SFMBT2: variants seen among roughly 807,000 people sequenced by gnomAD.
SFMBT2 encodes the protein Scm like with four mbt domains 2.
In SFMBT2, 38 loss-of-function variants were observed where a neutral mutation model predicts 110.1. The observed-to-expected ratio is 0.35, with a 90% CI of 0.27 to 0.45. The LOEUF (loss-of-function observed/expected upper bound fraction) is 0.45. Among genes scored for constraint, SFMBT2 ranks in the 20% least tolerant of loss-of-function variants. The pLI is 1.00. For synonymous variants in SFMBT2, 425 were observed against 425.4 expected (o/e 1.00, Z 0.01); for missense variants, 1,011 against 1,094.9 (o/e 0.92, Z 1.08).
chr10:7,361,631 T>C (rs886850692), intron 4 of SFMBT2, among the ~76,000 whole-genome samples: 5 of 152,232 alleles, frequency 3.3e-5, no homozygotes, highest in African/African-American at 1.2e-4. Flanking sequence ...TGATTTAACT[T>C]TGAATGGTAA....
At chr10:7,243,414 CA>C in intron 9 of SFMBT2, 143 bp downstream of exon 9, 1 of 645,534 alleles carries the variant, frequency 1.5e-6, no homozygotes, top group South Asian at 2.0e-5. Context: ...ACACCTATGT[CA>C]AGCTGATGAA....
intron 4 of SFMBT2, among the ~76,000 whole-genome samples, chr10:7,315,105 AAAGAAAAAGC>A (rs1266462812): frequency 7.0e-6 from 1 of 141,890 alleles, no homozygotes; most frequent in Non-Finnish European, 1.6e-5. Context: ...AGAAAGAAAG[AAAGAAAAAGC>A]AAGCAAGCAA....
intron 16 of SFMBT2, among the ~76,000 whole-genome samples, chr10:7,178,667 T>C (rs1373153201): frequency 1.3e-5 from 2 of 152,044 alleles, no homozygotes; most frequent in Non-Finnish European, 2.9e-5. Context: ...AACTTTCTCC[T>C]GCCCCAAGAA....
intron 12 of SFMBT2, 81 bp downstream of exon 12, chr10:7,205,734 T>A: frequency 6.6e-7 from 1 of 1,518,028 alleles, no homozygotes; most frequent in South Asian, 1.3e-5. Flanking sequence ...AGAACTTGGT[T>A]ATAATTTCTT....
intron 10 of SFMBT2, among the ~76,000 whole-genome samples, chr10:7,224,937 A>T (rs998428717): frequency 2.0e-5 from 3 of 152,214 alleles, no homozygotes; most frequent in Admixed American, 2.0e-4. Flanking sequence ...GAAAAATATA[A>T]CTATATCTTT....
At chr10:7,205,762 A>T (rs1839110329) in intron 12 of SFMBT2, 53 bp downstream of exon 12, 2 of 1,563,316 alleles carry the variant, frequency 1.3e-6, no homozygotes, top group Admixed American at 3.8e-5. Flanking sequence ...CTGCCAATTT[A>T]TTCACAAAGA....
At chr10:7,305,753 G>A (rs896483801) in intron 4 of SFMBT2, among the ~76,000 whole-genome samples, 1 of 152,212 alleles carries the variant, frequency 6.6e-6, no homozygotes, top group Non-Finnish European at 1.5e-5. Context: ...GGAGAGGCAA[G>A]GCGACAAAAG....
At chr10:7,318,313 C>A (rs1029912204) in intron 4 of SFMBT2, among the ~76,000 whole-genome samples, 8 of 152,216 alleles carry the variant, frequency 5.3e-5, no homozygotes, top group African/African-American at 1.7e-4. Flanking sequence ...AACACCTCCT[C>A]CTCATGAAAT....
rs1842021893 is a variant in SFMBT2 at position 7,284,054 on chromosome 10, C to G, written c.622G>C (p.Val208Leu). The G allele has an allele frequency of 6.2e-7, 1 of 1,614,170 alleles. No homozygotes were observed. The change falls in exon 6 of 21, where the codon GTG becomes CTG. Residue 208 changes from valine to leucine, a missense_variant. This residue lies in a region of SFMBT2 where 979 missense variants were observed against 1,016.1 expected (regional missense o/e 0.96). Transcript: ENST00000397167. ...AATCTTCCTCCAACATTTTCAATCA[C>G]ACTAACTATCCAGTACTGAAAAGGG... ...QNPFQYWIVS[V>L]IENVGGRLRL...
intron 4 of SFMBT2, among the ~76,000 whole-genome samples, chr10:7,366,451 T>C (rs1398107390): frequency 7.1e-6 from 1 of 141,360 alleles, no homozygotes; most frequent in African/African-American, 2.6e-5. Flanking sequence ...AAAAAAAAGA[T>C]AGAGCTCCGA....
At position 7,171,528 on chromosome 10, in the gene SFMBT2, C is replaced by T. The variant is rs1837871342; in HGVS notation, c.2415+367G>A. ...ATATTTTAAAACATCACAGAGGTGT[C>T]CTATAGAGGGGACGTGGGAGCAAGA... On this transcript the variant is annotated intron_variant, in intron 19 of 20. Transcript: ENST00000397167. The surrounding 1 kb of genome is among the most constrained non-coding windows in gnomAD (Gnocchi z 4.9). The T allele has an allele frequency of 1.0e-6, 1 of 985,258 alleles. No homozygotes were observed. The highest frequency in any genetic ancestry group is 1.2e-6 in the Non-Finnish European group (1 of 829,938). 61.0% of individuals were successfully genotyped at this position (985,258 alleles called of 1,614,324 possible).
Position 7,229,316 on chromosome 10 carries a change from C to A in SFMBT2, c.1121-1379G>T, listed in dbSNP as rs56919251. Among the ~76,000 whole-genome samples, 532 of 152,268 alleles carry A rather than the reference C, an allele frequency of 3.5e-3. 2 individuals carry two copies. The highest frequency in any genetic ancestry group is 0.012 in the African/African-American group (510 of 41,560). On this transcript the variant is annotated intron_variant, in intron 9 of 20. Coordinates refer to ENST00000397167, the MANE Select transcript of SFMBT2 (RefSeq NM_001387889.1). ...TCAACATAGGCCGGGCGCGGTGGCT[C>A]ACGCCTGTAATCCCAGCACTTTGGG...
chr10:7,264,840 A>T (rs1273337539), intron 7 of SFMBT2, among the ~76,000 whole-genome samples: 1 of 151,460 alleles, frequency 6.6e-6, no homozygotes, highest in East Asian at 1.9e-4. Context: ...AGTTCCTTAT[A>T]TCTTTATTCT....
chr10:7,206,568 T>C (rs1242594254), intron 11 of SFMBT2: 26 of 985,280 alleles, frequency 2.6e-5, no homozygotes, highest in Non-Finnish European at 3.0e-5. Context: ...GGCTATGTCA[T>C]AGAAAAGTCA....
In SFMBT2 at chr10:7,163,765, C is replaced by T. The variant is rs775309701; in HGVS notation, c.*5G>A. 1 of 1,613,418 alleles carries T rather than the reference C, an allele frequency of 6.2e-7. No individual in the cohort carries two copies. Among genetic ancestry groups the T allele is most frequent in the East Asian group, 2.2e-5 (1 of 44,868 alleles). ...GCAATAATGGGCCACCTCCCGAGGGCAGACTCAGTTGGCGTACTGGGCGTA... is the reference window on the plus strand; with the variant it reads ...GCAATAATGGGCCACCTCCCGAGGGTAGACTCAGTTGGCGTACTGGGCGTA... On this transcript the variant is annotated 3_prime_UTR_variant, in exon 21 of 21. Transcript: ENST00000397167. The surrounding 1 kb of genome is among the most constrained non-coding windows in gnomAD (Gnocchi z 4.8).
At chr10:7,213,726 G>T (rs7910611) in intron 11 of SFMBT2, among the ~76,000 whole-genome samples, 2,145 of 141,114 alleles carry the variant, frequency 0.015, 36 homozygotes, top group African/African-American at 0.057. Flanking sequence ...CGAGGCCATG[G>T]GCGCGGGCAC....
At chr10:7,206,252 T>C (rs1839133577) in intron 11 of SFMBT2, 2 of 985,292 alleles carry the variant, frequency 2.0e-6, no homozygotes, top group Non-Finnish European at 1.2e-6. Context: ...CGGAGCAGGA[T>C]TGGCTGAAAG....
chr10:7,265,067 GT>G (rs1374942590), intron 7 of SFMBT2, among the ~76,000 whole-genome samples: 2 of 151,722 alleles, frequency 1.3e-5, no homozygotes, highest in Non-Finnish European at 2.9e-5. Context: ...AACATGATTT[GT>G]TTTTGTTTTG....
At chr10:7,375,992 G>C (rs539655408) in intron 2 of SFMBT2, among the ~76,000 whole-genome samples, 2 of 152,212 alleles carry the variant, frequency 1.3e-5, no homozygotes, top group Admixed American at 6.5e-5. Flanking sequence ...ATGCCAAGAA[G>C]AAGAATCAAG....
Sources: allele counts gnomAD v4.1 joint callset (sites outside exome capture counted in the v4.1 genomes callset), GRCh38; gene constraint gnomAD v4.1.1; regional missense constraint gnomAD v4.1.1; non-coding constraint Gnocchi (gnomAD v3.1); transcripts MANE v1.5; gene names NCBI Gene and HGNC (gene_info 2026-07-23, HGNC 2026-07-21).